The following DIAPH2 variants were observed in gnomAD, a reference collection of about 807,000 sequenced individuals.
The protein encoded by DIAPH2 is protein diaphanous homolog 2.
DIAPH2 carries 35 observed loss-of-function variants against 92.7 expected under a neutral mutation model. The observed-to-expected ratio is 0.38, with a 90% confidence interval of 0.29 to 0.50. The LOEUF (loss-of-function observed/expected upper bound fraction) is 0.50, where lower values mean the gene tolerates loss of function less well. DIAPH2 is among the 20% of genes least tolerant of loss of function. DIAPH2 has a pLI of 0.94. For missense variants in DIAPH2, 701 were observed against 819.5 expected, an observed-to-expected ratio of 0.86 and a Z score of 1.77; for synonymous variants, 301 against 280.4, an observed-to-expected ratio of 1.07 and a Z score of -0.73.
At chrX:97,415,266 T>C (rs1288091505) in intron 25 of DIAPH2, among the ~76,000 whole-genome samples, 1 of 111,849 alleles carries the variant, frequency 8.9e-6, no homozygotes, top group Admixed American at 9.5e-5. Context: ...GAGTATAAAC[T>C]AGTTCAACCA....
At chrX:97,043,890 A>G in intron 17 of DIAPH2, among the ~76,000 whole-genome samples, 2 of 112,289 alleles carry the variant, frequency 1.8e-5, no homozygotes, top group Middle Eastern at 4.6e-3. Flanking sequence ...TTAAGACATC[A>G]TGCTTTCTGA....
At chrX:96,997,591 G>T (rs138155145) in intron 17 of DIAPH2, among the ~76,000 whole-genome samples, 4,424 of 111,372 alleles carry the variant, frequency 0.04, 101 homozygotes, top group Middle Eastern at 0.088. Flanking sequence ...AGAGTCATGC[G>T]ACTTCTGGTT....
chrX:97,187,115 T>C (rs1686442095), intron 22 of DIAPH2, among the ~76,000 whole-genome samples: 1 of 109,834 alleles, frequency 9.1e-6, no homozygotes, highest in Admixed American at 9.9e-5. Flanking sequence ...GAGTCAATAG[T>C]ATAGTAACTT....
In DIAPH2 at chrX:97,578,236, C is replaced by T. The variant is rs188684361; in HGVS notation, c.3242-21017C>T. 7.6e-3 allele frequency among the ~76,000 whole-genome samples: 812 copies of T among 107,438 alleles called. 31 individuals are homozygous for T. Among genetic ancestry groups the T allele is most frequent in the Admixed American group, 0.071 (708 of 9,903 alleles). 93.3% of individuals were successfully genotyped at this position (107,438 alleles called of 115,157 possible). A position where few individuals can be genotyped will look rare whatever the true frequency, so the allele number is the denominator to read the frequency against. ...GCACATTGTGCAGGTTAGTTACATA[C>T]GTATACATGTGCCGTGCTGGTGTGC... On this transcript the variant is annotated intron_variant, in intron 26 of 26. Coordinates refer to ENST00000324765, the MANE Select transcript of DIAPH2 (RefSeq NM_006729.5).
chrX:96,720,607 T>C (rs774930739), intron 1 of DIAPH2, among the ~76,000 whole-genome samples: 4 of 111,696 alleles, frequency 3.6e-5, no homozygotes, highest in Admixed American at 2.9e-4. Flanking sequence ...ACATTCTCAT[T>C]GGTCATGCTG....
chrX:97,413,719 A>G (rs1267746895), intron 25 of DIAPH2, among the ~76,000 whole-genome samples: 1 of 112,213 alleles, frequency 8.9e-6, no homozygotes, highest in Non-Finnish European at 1.9e-5. Flanking sequence ...ATAGAAAATC[A>G]ATGTGCAAAA....
intron 23 of DIAPH2, among the ~76,000 whole-genome samples, chrX:97,306,215 GATCTGTTTGA>G (rs2068745738): frequency 9.0e-6 from 1 of 111,106 alleles, no homozygotes; most frequent in Non-Finnish European, 1.9e-5. Flanking sequence ...GTTAGAAAAG[GATCTGTTTGA>G]ATTAGCCAAG....
At chrX:96,920,548 A>G (rs1411746824) in intron 9 of DIAPH2, among the ~76,000 whole-genome samples, 1 of 111,937 alleles carries the variant, frequency 8.9e-6, no homozygotes, top group Non-Finnish European at 1.9e-5. Flanking sequence ...AGGCACTCCA[A>G]AATCACCCAG....
At chrX:96,914,602 A>T (rs752080456) in intron 7 of DIAPH2, among the ~76,000 whole-genome samples, 53 of 110,505 alleles carry the variant, frequency 4.8e-4, no homozygotes, top group African/African-American at 1.6e-3. Flanking sequence ...GCTTTTCAGG[A>T]TGCTAAGTAA....
chrX:97,376,845 C>T (rs757639087), intron 24 of DIAPH2, among the ~76,000 whole-genome samples: 16 of 111,804 alleles, frequency 1.4e-4, no homozygotes, highest in Non-Finnish European at 1.9e-4. Context: ...TGTTGTTCGT[C>T]GACTACAAAC....
intron 17 of DIAPH2, among the ~76,000 whole-genome samples, chrX:97,068,704 T>C (rs7879745): frequency 0.029 from 3,242 of 112,004 alleles, 113 homozygotes; most frequent in African/African-American, 0.099. Context: ...ATTATTTCCA[T>C]GTAGCTGGAA....
intron 4 of DIAPH2, among the ~76,000 whole-genome samples, chrX:96,836,718 T>TATATATATATATA (rs58380012): frequency 3.3e-4 from 5 of 15,340 alleles, no homozygotes; most frequent in African/African-American, 1.5e-3. Context: ...TATATATATA[T>TATATATATATATA]TTTTTTTTTT....
intron 23 of DIAPH2, among the ~76,000 whole-genome samples, chrX:97,310,891 T>C (rs2147639795): frequency 9.0e-6 from 1 of 111,494 alleles, no homozygotes; most frequent in East Asian, 2.8e-4. Flanking sequence ...GCGCCTGTAA[T>C]CGCGCTACTT....
In DIAPH2 at chrX:97,141,740, C is replaced by G. The variant is rs781455274; in HGVS notation, c.2665C>G (p.Arg889Gly). ...TGCCGACATTTGTGAGGAAAAATAT[C>G]GAGATATCCTAAAATTTCCTGAAGA... ...FIADICEEKYRDILKFPEELE... is the reference protein window; with the variant it reads ...FIADICEEKYGDILKFPEELE... The change falls in exon 22 of 27, where the codon CGA (arginine) becomes GGA (glycine). Residue 889 changes from arginine (R) to glycine (G), a missense_variant. By Grantham distance (125) the Arg-to-Gly change is moderately radical (BLOSUM62 -2). Transcript: ENST00000324765. 8.3e-7 allele frequency: 1 copy of G among 1,204,460 alleles called. No individual in the cohort carries two copies. Among genetic ancestry groups the G allele is most frequent in the East Asian group, 3.0e-5 (1 of 33,523 alleles).
At chrX:97,444,060 A>C (rs1297467975) in intron 26 of DIAPH2, among the ~76,000 whole-genome samples, 1 of 112,153 alleles carries the variant, frequency 8.9e-6, no homozygotes, top group African/African-American at 3.2e-5. Context: ...TGCTCAGAAG[A>C]ATAGATCTTT....
chrX:96,918,743 C>G, intron 9 of DIAPH2, 126 bp downstream of exon 9: 1 of 446,780 alleles, frequency 2.2e-6, no homozygotes, highest in Admixed American at 5.1e-5. Context: ...TTTTCTGTTG[C>G]TAGTTTGTGA....
At chrX:96,717,262 A>C (rs991239999) in intron 1 of DIAPH2, among the ~76,000 whole-genome samples, 2 of 111,497 alleles carry the variant, frequency 1.8e-5, no homozygotes, top group Admixed American at 9.6e-5. Context: ...TGCACTTGAC[A>C]AAAAATATGT....
chrX:96,943,686 A>G (rs2065720561), intron 13 of DIAPH2, among the ~76,000 whole-genome samples: 1 of 111,270 alleles, frequency 9.0e-6, no homozygotes, highest in African/African-American at 3.2e-5. Flanking sequence ...TATAGTTGAA[A>G]AATAATTGAA....
chrX:97,041,360 G>A (rs1276806659), intron 17 of DIAPH2, among the ~76,000 whole-genome samples: 2 of 111,699 alleles, frequency 1.8e-5, no homozygotes, highest in Admixed American at 1.9e-4. Context: ...TAAAATAGGA[G>A]TAGCATGTTC....
Sources: allele counts gnomAD v4.1 joint callset (sites outside exome capture counted in the v4.1 genomes callset), GRCh38; gene constraint gnomAD v4.1.1; transcripts MANE v1.5; gene names NCBI Gene and HGNC (gene_info 2026-07-23, HGNC 2026-07-21).